DACH2: variants seen among roughly 807,000 people sequenced by gnomAD.
DACH2 encodes dachshund homolog 2.
In DACH2, 17 loss-of-function variants were observed where a neutral mutation model predicts 35.8. That is an observed-to-expected ratio of 0.48 (90% CI 0.33 to 0.71). The LOEUF (loss-of-function observed/expected upper bound fraction) is 0.71, where lower values mean the gene tolerates loss of function less well. Ranked by LOEUF, DACH2 falls within the 30% of genes least tolerant of loss-of-function variation. The probability of loss-of-function intolerance (pLI) is 0.02; values close to 1 mark genes in which losing one functional copy is unlikely to be tolerated. For missense variants in DACH2, 469 were observed against 472.7 expected (o/e 0.99, Z 0.07); for synonymous variants, 195 against 177.3 (o/e 1.10, Z -0.79).
intron 3 of DACH2, among the ~76,000 whole-genome samples, chrX:86,645,981 T>C (rs1240491233): frequency 1.8e-5 from 2 of 111,127 alleles, no homozygotes; most frequent in Non-Finnish European, 3.8e-5. Context: ...TGTAATAATA[T>C]GTACAACAAA....
At chrX:86,445,990 C>G (rs2037266488) in intron 2 of DACH2, among the ~76,000 whole-genome samples, 2 of 111,320 alleles carry the variant, frequency 1.8e-5, no homozygotes, top group South Asian at 7.4e-4. Context: ...TCAATCTCTC[C>G]CTTAAGAACT....
intron 1 of DACH2, chrX:86,184,212 A>ATTTTTT: frequency 1.2e-5 from 2 of 166,023 alleles, no homozygotes; most frequent in South Asian, 7.1e-5. Context: ...TAGTCTTCTG[A>ATTTTTT]TTTTTTTTTT....
Position 86,695,075 on chromosome X carries a change from C to G in DACH2, c.827C>G (p.Pro276Arg). Residue 276 changes from proline (P) to arginine (R), a missense_variant, in exon 5 of 12, where the codon CCT becomes CGT. This residue lies in a region of DACH2 where 363 missense variants were observed against 334.4 expected (regional missense o/e 1.09). Coordinates refer to ENST00000373125, the MANE Select transcript of DACH2 (RefSeq NM_053281.3). ...AAGATGCAGTCTCCATTTGCTGCACCTGGACCCCAACATGGAATTGCTCAT... is the reference window on the plus strand; with the variant it reads ...AAGATGCAGTCTCCATTTGCTGCACGTGGACCCCAACATGGAATTGCTCAT... Reference protein sequence around the residue: ...KDKMQSPFAAPGPQHGIAHAA... With the variant: ...KDKMQSPFAARGPQHGIAHAA... The G allele has an allele frequency of 1.7e-6, 2 of 1,150,496 alleles. No individual in the cohort carries two copies. Among genetic ancestry groups the G allele is most frequent in the Non-Finnish European group, 2.3e-6 (2 of 863,230 alleles). 94.8% of individuals were successfully genotyped at this position (1,150,496 alleles called of 1,213,427 possible).
intron 2 of DACH2, among the ~76,000 whole-genome samples, chrX:86,378,697 A>C (rs1281941836): frequency 3.6e-5 from 4 of 111,231 alleles, no homozygotes; most frequent in Admixed American, 2.9e-4. Context: ...ATGGGCTGTC[A>C]GTTTGCGACC....
intron 2 of DACH2, among the ~76,000 whole-genome samples, chrX:86,389,185 A>C (rs750520935): frequency 1.7e-4 from 19 of 111,871 alleles, no homozygotes; most frequent in Non-Finnish European, 3.0e-4. Flanking sequence ...TTAGTTCTTT[A>C]TTTGATTGAA....
intron 1 of DACH2, among the ~76,000 whole-genome samples, chrX:86,322,150 T>C (rs2035027146): frequency 9.0e-6 from 1 of 111,256 alleles, no homozygotes; most frequent in Admixed American, 9.5e-5. Flanking sequence ...GAGTCGATTG[T>C]GCAATGCTTG....
intron 7 of DACH2, among the ~76,000 whole-genome samples, chrX:86,795,253 G>A (rs1445622661): frequency 2.4e-5 from 2 of 84,459 alleles, no homozygotes; most frequent in African/African-American, 4.4e-5. Context: ...TTTTTTTTGA[G>A]ACAGAATCTT....
At chrX:86,562,654 G>A (rs1480571094) in intron 3 of DACH2, among the ~76,000 whole-genome samples, 4 of 111,568 alleles carry the variant, frequency 3.6e-5, no homozygotes, top group Non-Finnish European at 7.6e-5. Flanking sequence ...TTGTGTGTAT[G>A]TATAAAACTT....
intron 1 of DACH2, among the ~76,000 whole-genome samples, chrX:86,300,054 C>T (rs757163419): frequency 9.0e-6 from 1 of 111,360 alleles, no homozygotes; most frequent in South Asian, 3.8e-4. Flanking sequence ...TTCAAGTCCT[C>T]TGTTTCAGTT....
intron 1 of DACH2, among the ~76,000 whole-genome samples, chrX:86,369,079 C>G (rs1363410334): frequency 9.1e-6 from 1 of 110,410 alleles, no homozygotes; most frequent in Admixed American, 9.7e-5. Context: ...TAGTTTTATT[C>G]TATTAGGCAA....
intron 1 of DACH2, among the ~76,000 whole-genome samples, chrX:86,292,034 G>A (rs1416460124): frequency 3.2e-5 from 2 of 62,870 alleles, no homozygotes; most frequent in African/African-American, 8.1e-5. Flanking sequence ...GGTAGAATTC[G>A]GCTGTGAATC....
intron 7 of DACH2, among the ~76,000 whole-genome samples, chrX:86,776,279 C>T (rs7062836): frequency 0.3 from 32,641 of 110,309 alleles, 3,838 homozygotes; most frequent in Middle Eastern, 0.39. Flanking sequence ...TGGTGAGAGC[C>T]TGTTTCCAGG....
At chrX:86,457,612 C>T (rs1399037358) in intron 2 of DACH2, among the ~76,000 whole-genome samples, 4 of 112,209 alleles carry the variant, frequency 3.6e-5, no homozygotes, top group African/African-American at 6.5e-5. Flanking sequence ...TAAAGCAAAA[C>T]TACACATTAT....
intron 1 of DACH2, among the ~76,000 whole-genome samples, chrX:86,175,741 T>G (rs1227651484): frequency 9.0e-6 from 1 of 110,810 alleles, no homozygotes; most frequent in Non-Finnish European, 1.9e-5. Flanking sequence ...CATTAACAGG[T>G]GGGAAGGCAG....
intron 7 of DACH2, among the ~76,000 whole-genome samples, chrX:86,756,473 GTT>G (rs200159073): frequency 5.5e-4 from 53 of 96,842 alleles, no homozygotes; most frequent in Middle Eastern, 5.3e-3. Context: ...TTACTCCTAG[GTT>G]TTTTTTTTTT....
chrX:86,628,104 T>C (rs2040158381), intron 3 of DACH2, among the ~76,000 whole-genome samples: 1 of 112,322 alleles, frequency 8.9e-6, no homozygotes, highest in African/African-American at 3.2e-5. Flanking sequence ...ATTTTGTTAT[T>C]CTGCAGTCAT....
At chrX:86,382,200 G>A (rs1003913167) in intron 2 of DACH2, among the ~76,000 whole-genome samples, 5 of 108,862 alleles carry the variant, frequency 4.6e-5, no homozygotes, top group African/African-American at 1.7e-4. Flanking sequence ...CCTGAGACAC[G>A]TGCCCCCTTT....
intron 2 of DACH2, among the ~76,000 whole-genome samples, chrX:86,393,167 T>C (rs1602469445): frequency 9.0e-6 from 1 of 111,411 alleles, no homozygotes; most frequent in Non-Finnish European, 1.9e-5. Context: ...CCCTACTCAT[T>C]ATCAATTCAA....
chrX:86,355,429 T>C (rs2035626483), intron 1 of DACH2, among the ~76,000 whole-genome samples: 1 of 112,201 alleles, frequency 8.9e-6, no homozygotes, highest in Non-Finnish European at 1.9e-5. Flanking sequence ...CTTTGAGAAA[T>C]CTCCAAACCG....
Sources: gnomAD v4.1 joint callset for allele counts (sites outside exome capture counted in the v4.1 genomes callset) on GRCh38, gnomAD v4.1.1 for gene constraint, gnomAD v4.1.1 regional missense constraint, MANE v1.5 for transcripts, NCBI Gene and HGNC (gene_info 2026-07-23, HGNC 2026-07-21) for gene names.